The following ANO4 variants were observed in gnomAD, a reference collection of about 807,000 sequenced individuals.
ANO4 encodes the protein anoctamin 4, also known as anoctamin-4.
A neutral mutation model predicts 141.9 loss-of-function variants in ANO4; 69 were observed. The ratio of observed to expected loss-of-function variants is 0.49; its 90% confidence interval spans 0.40 to 0.59. The LOEUF is 0.59. Ranked by LOEUF, ANO4 falls within the 20% of genes least tolerant of loss-of-function variation. The pLI, the probability that ANO4 is intolerant of heterozygous loss-of-function variation, is 0.00. For synonymous variants in ANO4, 350 were observed against 394.3 expected, an observed-to-expected ratio of 0.89 and a Z score of 1.33; for missense variants, 894 against 1,162.2, an observed-to-expected ratio of 0.77 and a Z score of 3.36.
At chr12:100,886,297 T>G (rs1483763952) in intron 1 of ANO4, among the ~76,000 whole-genome samples, 1 of 140,464 alleles carries the variant, frequency 7.1e-6, no homozygotes, top group Non-Finnish European at 1.5e-5. Flanking sequence ...GGAGACTACA[T>G]CCAGTGTAGC....
At chr12:100,969,665 A>G (rs984520048) in intron 5 of ANO4, among the ~76,000 whole-genome samples, 1 of 152,056 alleles carries the variant, frequency 6.6e-6, no homozygotes, top group African/African-American at 2.4e-5. Flanking sequence ...TTGAGCTTCT[A>G]TTTTTGTCAG....
intron 8 of ANO4, among the ~76,000 whole-genome samples, chr12:101,009,086 C>T (rs2045979826): frequency 6.6e-6 from 1 of 152,098 alleles, no homozygotes; most frequent in African/African-American, 2.4e-5. Flanking sequence ...CTGAAATTCA[C>T]ATGTTAATAT....
chr12:101,116,609 G>A, intron 24 of ANO4, 70 bp from the exon 25 acceptor site: 2 of 1,607,230 alleles, frequency 1.2e-6, no homozygotes, highest in Non-Finnish European at 1.7e-6. Flanking sequence ...CTGGGAAGCA[G>A]GGTCTTCAGG....
intron 1 of ANO4, among the ~76,000 whole-genome samples, chr12:100,717,839 G>A (rs1354724597): frequency 1.3e-5 from 2 of 152,246 alleles, no homozygotes; most frequent in Non-Finnish European, 2.9e-5. Context: ...CAGGGGAAGG[G>A]ACGCGGGTGT....
intron 14 of ANO4, chr12:101,066,970 T>G (rs2048615762): frequency 3.0e-6 from 2 of 669,204 alleles, no homozygotes; most frequent in Non-Finnish European, 5.6e-6. Context: ...ATGACACTCT[T>G]CATGTACCCT....
chr12:101,106,830 A>C (rs2050466429), intron 22 of ANO4, among the ~76,000 whole-genome samples: 1 of 151,724 alleles, frequency 6.6e-6, no homozygotes, highest in South Asian at 2.1e-4. Context: ...AATATTTAAA[A>C]GTTTTTTCCC....
intron 3 of ANO4, among the ~76,000 whole-genome samples, chr12:100,765,377 TTC>T (rs1272137186): frequency 9.8e-6 from 1 of 102,278 alleles, no homozygotes; most frequent in Non-Finnish European, 2.0e-5. Flanking sequence ...TTTTCTTTCT[TTC>T]TTTTTTTTTT....
At chr12:101,116,082 T>G (rs1349621152) in intron 24 of ANO4, among the ~76,000 whole-genome samples, 3 of 152,172 alleles carry the variant, frequency 2.0e-5, no homozygotes, top group Non-Finnish European at 4.4e-5. Context: ...GTGATTAGGT[T>G]GTCTTCCTAG....
intron 1 of ANO4, among the ~76,000 whole-genome samples, chr12:100,894,493 T>C (rs1593666673): frequency 6.6e-6 from 1 of 152,086 alleles, no homozygotes. Context: ...ACCTGTTTTC[T>C]GTGGGTCCAC....
chr12:101,081,129 AT>A (rs1253488635), intron 15 of ANO4, among the ~76,000 whole-genome samples: 1 of 151,508 alleles, frequency 6.6e-6, no homozygotes, highest in African/African-American at 2.4e-5. Context: ...GCATTCAGAA[AT>A]TCCTCTTGTG....
At chr12:100,865,381 A>G (rs541054696) in intron 1 of ANO4, among the ~76,000 whole-genome samples, 20 of 152,346 alleles carry the variant, frequency 1.3e-4, no homozygotes, top group African/African-American at 4.1e-4. Context: ...GGCAACCTAC[A>G]GAATGGAAGA....
chr12:100,984,846 T>G (rs1592926866), intron 7 of ANO4, among the ~76,000 whole-genome samples: 1 of 152,350 alleles, frequency 6.6e-6, no homozygotes, highest in East Asian at 1.9e-4. Flanking sequence ...ACATTTCAAT[T>G]AAATTGTGGT....
chr12:100,816,221 A>G (rs556076091), intron 1 of ANO4, among the ~76,000 whole-genome samples: 2 of 152,130 alleles, frequency 1.3e-5, no homozygotes, highest in Non-Finnish European at 2.9e-5. Flanking sequence ...TCTAGAGTTC[A>G]GTGGGATAGA....
At chr12:101,088,002 C>A (rs1310894043) in intron 17 of ANO4, among the ~76,000 whole-genome samples, 2 of 152,178 alleles carry the variant, frequency 1.3e-5, no homozygotes, top group Non-Finnish European at 2.9e-5. Flanking sequence ...GAGCTTCTTA[C>A]ATGTAAGTCA....
rs963376759 is a variant in ANO4, at chr12:100,802,966, T to C, written c.-141+7939T>C. On this transcript the variant is annotated intron_variant, in intron 1 of 27. Transcript: ENST00000392977. ...TAAACCACCATCTTGAGGGTTTTTT[T>C]CCTCCTAGATAAAAGCAGCTTTTGA... Among the ~76,000 whole-genome samples, 8 of 152,338 alleles carry C rather than the reference T, an allele frequency of 5.3e-5. No homozygotes were observed. The South Asian group carries it at 1.7e-3, about 32-fold the overall frequency.
At chr12:100,964,922 C>T (rs1202187208) in intron 5 of ANO4, among the ~76,000 whole-genome samples, 3 of 152,184 alleles carry the variant, frequency 2.0e-5, no homozygotes, top group South Asian at 4.1e-4. Flanking sequence ...TATTGAGGGT[C>T]TGTCTCCCCA....
intron 1 of ANO4, among the ~76,000 whole-genome samples, chr12:100,883,528 A>G (rs542304645): frequency 8.3e-4 from 126 of 152,358 alleles, no homozygotes; most frequent in Non-Finnish European, 1.2e-3. Flanking sequence ...TTTAATGCCA[A>G]TGGGTTTTGG....
chr12:100,847,665 G>T (rs2037645718), intron 1 of ANO4, among the ~76,000 whole-genome samples: 2 of 152,202 alleles, frequency 1.3e-5, no homozygotes, highest in South Asian at 2.1e-4. Context: ...TAGAGACGGG[G>T]TTTCACCGTG....
intron 3 of ANO4, among the ~76,000 whole-genome samples, chr12:100,786,647 C>T (rs1257513264): frequency 6.6e-6 from 1 of 152,126 alleles, no homozygotes; most frequent in Non-Finnish European, 1.5e-5. Context: ...CAGGCAATTC[C>T]AACTAGAAAG....
Sources: gnomAD v4.1 joint callset for allele counts (sites outside exome capture counted in the v4.1 genomes callset) on GRCh38, gnomAD v4.1.1 for gene constraint, MANE v1.5 for transcripts, NCBI Gene and HGNC (gene_info 2026-07-23, HGNC 2026-07-21) for gene names.